Variants in PRKCB observed in about 807,000 individuals in gnomAD.
The protein encoded by PRKCB is protein kinase C beta, also known as protein kinase C beta type.
PRKCB carries 13 observed loss-of-function variants against 81.5 expected under a neutral mutation model. That is an observed-to-expected ratio of 0.16 (90% CI 0.10 to 0.25). PRKCB has a LOEUF of 0.25. Ranked by LOEUF, PRKCB falls within the 10% of genes least tolerant of loss-of-function variation. PRKCB has a pLI of 1.00. For missense variants in PRKCB, 509 were observed against 875.7 expected (o/e 0.58, Z 5.29); for synonymous variants, 335 against 321.4 (o/e 1.04, Z -0.45).
chr16:24,048,073 G>A (rs911805690), intron 5 of PRKCB, among the ~76,000 whole-genome samples: 2 of 152,246 alleles, frequency 1.3e-5, no homozygotes, highest in African/African-American at 2.4e-5. Context: ...AGATGCAGTC[G>A]CAGCTCCTGA....
intron 3 of PRKCB, among the ~76,000 whole-genome samples, chr16:24,014,647 G>T (rs1409938530): frequency 6.6e-6 from 1 of 152,144 alleles, no homozygotes; most frequent in Non-Finnish European, 1.5e-5. Context: ...TCATTAATCT[G>T]TACACATCTA....
At chr16:23,879,987 T>G (rs1371125097) in intron 2 of PRKCB, among the ~76,000 whole-genome samples, 1 of 152,190 alleles carries the variant, frequency 6.6e-6, no homozygotes, top group Non-Finnish European at 1.5e-5. Context: ...CTCATAGGAT[T>G]GTTGTGAAAA....
intron 8 of PRKCB, among the ~76,000 whole-genome samples, chr16:24,113,631 C>T (rs1966705078): frequency 6.7e-6 from 1 of 150,086 alleles, no homozygotes; most frequent in Non-Finnish European, 1.5e-5. Flanking sequence ...CTTTCTTCAT[C>T]TCCTTTCTTT....
intron 2 of PRKCB, among the ~76,000 whole-genome samples, chr16:23,950,144 T>TTG (rs1964260155): frequency 2.7e-5 from 4 of 145,484 alleles, no homozygotes; most frequent in Admixed American, 1.4e-4. Flanking sequence ...TTTTTTTTTT[T>TTG]TTTTTTTTTT....
intron 2 of PRKCB, among the ~76,000 whole-genome samples, chr16:23,863,196 G>GTATATATGTGTATATATACATACA (rs71154242): frequency 1.1e-4 from 6 of 54,156 alleles, no homozygotes; most frequent in Admixed American, 8.7e-4. Context: ...ACATACATAC[G>GTATATATGTGTATATATACATACA]TATATATGTG....
chr16:23,875,496 TA>T lies in PRKCB; in HGVS notation c.205+38091del, dbSNP rs756593306. On this transcript the variant is annotated intron_variant, in intron 2 of 16. Coordinates refer to ENST00000643927, the MANE Select transcript of PRKCB (RefSeq NM_002738.7). Reference sequence around the variant, plus strand: ...AACTAAAAAGATATATATATATATATATATATATATGATGTATATCACACAC... The same window carrying T: ...AACTAAAAAGATATATATATATATATTATATATATGATGTATATCACACAC... Among the ~76,000 whole-genome samples the T allele has an allele frequency of 2.8e-3, 332 of 119,770 alleles. 6 individuals are homozygous for T. Among genetic ancestry groups the T allele is most frequent in the Middle Eastern group, 5.4e-3 (1 of 186 alleles). 78.6% of individuals were successfully genotyped at this position (119,770 alleles called of 152,430 possible).
At chr16:24,210,659 C>T (rs1968125667) in intron 16 of PRKCB, among the ~76,000 whole-genome samples, 1 of 151,952 alleles carries the variant, frequency 6.6e-6, no homozygotes, top group African/African-American at 2.4e-5. Flanking sequence ...ACCACCACAC[C>T]CAGCTAATAT....
chr16:23,840,336 C>T (rs1344988879), intron 2 of PRKCB, among the ~76,000 whole-genome samples: 1 of 152,196 alleles, frequency 6.6e-6, no homozygotes, highest in Non-Finnish European at 1.5e-5. Flanking sequence ...TTCTGCTCCA[C>T]TATCCCTGGG....
At chr16:23,977,736 A>G (rs1964644332) in intron 2 of PRKCB, among the ~76,000 whole-genome samples, 1 of 152,186 alleles carries the variant, frequency 6.6e-6, no homozygotes. Flanking sequence ...CCACAAGCAT[A>G]AATGCTCACT....
In PRKCB at chr16:24,219,241, G is replaced by A. The variant is rs987516999; in HGVS notation, c.*4425G>A. The A allele has an allele frequency of 5.8e-4, 458 of 794,200 alleles. No homozygotes were observed. The highest frequency in any genetic ancestry group is 1.3e-3 in the Middle Eastern group (2 of 1,512). 49.2% of individuals were successfully genotyped at this position (794,200 alleles called of 1,614,324 possible). On this transcript the variant is annotated 3_prime_UTR_variant, in exon 17 of 17. Transcript: ENST00000643927. ...TACTAGGAGAATCGAGTTGCTTTGA[G>A]TTTCTTTTGTTTTGTTTTGTTTTGT...
chr16:23,916,618 T>C (rs898471013), intron 2 of PRKCB, among the ~76,000 whole-genome samples: 2 of 152,184 alleles, frequency 1.3e-5, no homozygotes, highest in Admixed American at 1.3e-4. Flanking sequence ...CTTCTGGAAA[T>C]AGTTCATAAT....
At chr16:24,128,543 TGTGGAGAGTTTGTTTTTTTAAACAGGCAG>T (rs1308893975) in intron 9 of PRKCB, among the ~76,000 whole-genome samples, 3 of 152,172 alleles carry the variant, frequency 2.0e-5, no homozygotes, top group African/African-American at 7.2e-5. Flanking sequence ...AGAAGAAAAC[TGTGGAGAGTTTGTTTTTTTAAACAGGCAG>T]AAGTGTTTAC....
intron 2 of PRKCB, among the ~76,000 whole-genome samples, chr16:23,867,361 A>T (rs1201274572): frequency 1.3e-5 from 2 of 152,094 alleles, no homozygotes; most frequent in Admixed American, 6.5e-5. Context: ...ACCTCAGGTG[A>T]TCCACCGGCC....
chr16:23,956,147 G>A (rs1040520229), intron 2 of PRKCB, among the ~76,000 whole-genome samples: 33 of 151,842 alleles, frequency 2.2e-4, no homozygotes, highest in African/African-American at 8.0e-4. Context: ...TTTGAGAGAG[G>A]GCCTTGCTGT....
intron 2 of PRKCB, among the ~76,000 whole-genome samples, chr16:23,943,824 A>G (rs1368466349): frequency 6.6e-6 from 1 of 152,096 alleles, no homozygotes; most frequent in African/African-American, 2.4e-5. Context: ...TGGGCTTACT[A>G]TGTGTCAGGC....
chr16:24,206,484 A>G (rs184758269), intron 16 of PRKCB, among the ~76,000 whole-genome samples: 81 of 152,326 alleles, frequency 5.3e-4, no homozygotes, highest in Non-Finnish European at 9.1e-4. Context: ...CACTAGCCTC[A>G]TGTTATCAAA....
At chr16:24,081,330 T>C (rs549193145) in intron 5 of PRKCB, among the ~76,000 whole-genome samples, 14 of 151,870 alleles carry the variant, frequency 9.2e-5, no homozygotes, top group Non-Finnish European at 2.1e-4. Flanking sequence ...AAAATTAACA[T>C]ATCAATTGAT....
chr16:23,938,757 T>G (rs1964097221), intron 2 of PRKCB, among the ~76,000 whole-genome samples: 1 of 152,198 alleles, frequency 6.6e-6, no homozygotes, highest in African/African-American at 2.4e-5. Flanking sequence ...AACTAGAAGT[T>G]AATAACAAAG....
At chr16:23,875,461 G>A (rs1232867477) in intron 2 of PRKCB, among the ~76,000 whole-genome samples, 1 of 123,796 alleles carries the variant, frequency 8.1e-6, no homozygotes, top group Non-Finnish European at 1.6e-5. Context: ...TCCTAGACAT[G>A]TTTTGCTTCA....
Sources: allele counts gnomAD v4.1 joint callset (sites outside exome capture counted in the v4.1 genomes callset), GRCh38; gene constraint gnomAD v4.1.1; transcripts MANE v1.5; gene names NCBI Gene and HGNC (gene_info 2026-07-23, HGNC 2026-07-21).